The following SLC25A21 variants were observed in gnomAD, a reference collection of about 807,000 sequenced individuals.
The protein encoded by SLC25A21 is mitochondrial 2-oxodicarboxylate carrier.
A neutral mutation model predicts 43.8 loss-of-function variants in SLC25A21; 47 were observed. That is an observed-to-expected ratio of 1.07 (90% CI 0.85 to 1.37). The LOEUF is 1.37. SLC25A21 is among the 40% of genes most tolerant of loss of function. SLC25A21 has a pLI of 0.00. For synonymous variants in SLC25A21, 131 were observed against 121.3 expected, an observed-to-expected ratio of 1.08 and a Z score of -0.52; for missense variants, 352 against 350.2, an observed-to-expected ratio of 1.00 and a Z score of -0.04.
At chr14:36,741,117 A>G (rs1885239912) in intron 3 of SLC25A21, among the ~76,000 whole-genome samples, 1 of 152,136 alleles carries the variant, frequency 6.6e-6, no homozygotes, top group Non-Finnish European at 1.5e-5. Context: ...TACCCCTCTG[A>G]GTCACCCCCA....
intron 1 of SLC25A21, among the ~76,000 whole-genome samples, chr14:37,076,550 G>A (rs575138899): frequency 6.6e-6 from 1 of 151,894 alleles, no homozygotes; most frequent in Non-Finnish European, 1.5e-5. Flanking sequence ...GTGCAGTGCA[G>A]CGATCTCGGC....
chr14:36,813,699 T>A (rs926915257), intron 3 of SLC25A21, among the ~76,000 whole-genome samples: 3 of 152,232 alleles, frequency 2.0e-5, no homozygotes, highest in African/African-American at 7.2e-5. Flanking sequence ...TTAAGATTTG[T>A]CCTCTAGTCA....
At position 36,941,450 on chromosome 14, in the gene SLC25A21, A is replaced by G. The variant is rs369943517; in HGVS notation, c.71-66446T>C. On this transcript the variant is annotated intron_variant, in intron 1 of 9. Transcript: ENST00000331299. Reference sequence around the variant, plus strand: ...TTTACATTATCAAGAAAACTACACCAAATAAATTCAAATTATATTTATATA... The same window carrying G: ...TTTACATTATCAAGAAAACTACACCGAATAAATTCAAATTATATTTATATA... 3.5e-4 allele frequency among the ~76,000 whole-genome samples: 54 copies of G among 152,180 alleles called. 1 individual carries two copies. In the East Asian group the frequency reaches 7.5e-3, roughly 21 times the overall value.
At chr14:37,016,022 G>T (rs941663216) in intron 1 of SLC25A21, among the ~76,000 whole-genome samples, 1 of 151,512 alleles carries the variant, frequency 6.6e-6, no homozygotes, top group African/African-American at 2.4e-5. Context: ...AGTTTCTTTT[G>T]CTGTGCAGAA....
chr14:37,169,056 T>C (rs1457695456), intron 1 of SLC25A21, among the ~76,000 whole-genome samples: 1 of 152,212 alleles, frequency 6.6e-6, no homozygotes, highest in Admixed American at 6.5e-5. Context: ...GCTGCAGATC[T>C]CAACATTAAG....
At chr14:36,875,818 G>A (rs1890505187) in intron 1 of SLC25A21, among the ~76,000 whole-genome samples, 1 of 152,248 alleles carries the variant, frequency 6.6e-6, no homozygotes, top group Middle Eastern at 3.4e-3. Flanking sequence ...ACTGAGCAGA[G>A]AAGACTACTC....
At chr14:37,014,778 C>T (rs1445012051) in intron 1 of SLC25A21, among the ~76,000 whole-genome samples, 3 of 152,110 alleles carry the variant, frequency 2.0e-5, no homozygotes, top group Non-Finnish European at 2.9e-5. Flanking sequence ...TGAAATTACT[C>T]CTCAATCCAT....
intron 1 of SLC25A21, among the ~76,000 whole-genome samples, chr14:36,964,268 T>C (rs1362175379): frequency 6.6e-6 from 1 of 152,310 alleles, no homozygotes; most frequent in East Asian, 1.9e-4. Flanking sequence ...AGATAATAAT[T>C]TTTCTCTATA....
chr14:36,792,156 G>C (rs1341071571), intron 3 of SLC25A21, among the ~76,000 whole-genome samples: 1 of 152,114 alleles, frequency 6.6e-6, no homozygotes, highest in Non-Finnish European at 1.5e-5. Flanking sequence ...CCACAGAACT[G>C]TATGATTAGA....
At chr14:37,112,974 C>G (rs17106328) in intron 1 of SLC25A21, among the ~76,000 whole-genome samples, 20 of 152,062 alleles carry the variant, frequency 1.3e-4, no homozygotes, top group Admixed American at 2.0e-4. Context: ...AAAAAAAAAT[C>G]GGAATAGATG....
At chr14:37,042,178 C>G (rs1367299597) in intron 1 of SLC25A21, among the ~76,000 whole-genome samples, 1 of 152,114 alleles carries the variant, frequency 6.6e-6, no homozygotes, top group Non-Finnish European at 1.5e-5. Flanking sequence ...GGCGAGCAAA[C>G]AGAGGGCAGA....
In SLC25A21 at chr14:36,679,351, A is replaced by C. The variant is rs1320603035; in HGVS notation, c.*1307T>G. 2 of 972,640 alleles carry C rather than the reference A, an allele frequency of 2.1e-6. No homozygotes were observed. The allele number at this position is 972,640 out of a possible 1,614,324, so 60.3% of individuals were successfully genotyped here. A position where few individuals can be genotyped will look rare whatever the true frequency, so the allele number is the denominator to read the frequency against. On this transcript the variant is annotated 3_prime_UTR_variant, in exon 10 of 10. Transcript: ENST00000331299. ...ACTTCAAATGCTCTAAATTAATAAA[A>C]AGTAATAATTACCATGTTATCTTTT...
chr14:36,938,170 C>T (rs781124004), intron 1 of SLC25A21, among the ~76,000 whole-genome samples: 16 of 152,152 alleles, frequency 1.1e-4, no homozygotes, highest in South Asian at 6.2e-4. Flanking sequence ...ACATATAGAG[C>T]CCTAGTGTTG....
intron 1 of SLC25A21, among the ~76,000 whole-genome samples, chr14:37,056,530 A>G (rs1961833872): frequency 6.6e-6 from 1 of 151,862 alleles, no homozygotes; most frequent in Non-Finnish European, 1.5e-5. Flanking sequence ...GTATGTCTTT[A>G]GAGCCAGCAT....
intron 1 of SLC25A21, among the ~76,000 whole-genome samples, chr14:37,056,006 C>CT (rs1015999105): frequency 4.6e-5 from 7 of 152,066 alleles, no homozygotes; most frequent in Non-Finnish European, 1.0e-4. Flanking sequence ...AGTGCAGTCT[C>CT]ATGATAGAGT....
chr14:36,778,444 C>A (rs8022435), intron 3 of SLC25A21, among the ~76,000 whole-genome samples: 4 of 152,080 alleles, frequency 2.6e-5, no homozygotes, highest in Admixed American at 6.5e-5. Flanking sequence ...ATATTCAACA[C>A]GTATTAGTTC....
chr14:37,106,977 G>T (rs1962926243), intron 1 of SLC25A21, among the ~76,000 whole-genome samples: 1 of 152,134 alleles, frequency 6.6e-6, no homozygotes. Context: ...ACTCACTATT[G>T]TGACAGTGTC....
chr14:37,158,291 C>A (rs1594823573), intron 1 of SLC25A21, among the ~76,000 whole-genome samples: 1 of 152,188 alleles, frequency 6.6e-6, no homozygotes, highest in Middle Eastern at 3.4e-3. Context: ...GAGTAAACTA[C>A]AAGCCAATGT....
chr14:36,713,010 G>C (rs986780857), intron 6 of SLC25A21, among the ~76,000 whole-genome samples: 2 of 152,234 alleles, frequency 1.3e-5, no homozygotes, highest in Non-Finnish European at 2.9e-5. Context: ...GTCTAGAGGT[G>C]GGGGAAGGAG....
Sources: gnomAD v4.1 joint callset for allele counts (sites outside exome capture counted in the v4.1 genomes callset) on GRCh38, gnomAD v4.1.1 for gene constraint, MANE v1.5 for transcripts, NCBI Gene and HGNC (gene_info 2026-07-23, HGNC 2026-07-21) for gene names.